The following ESRRG variants were observed in gnomAD, a reference collection of about 807,000 sequenced individuals.
ESRRG encodes the protein estrogen related receptor gamma, also known as estrogen-related receptor gamma.
In ESRRG, 13 loss-of-function variants were observed where a neutral mutation model predicts 44.0. The ratio of observed to expected loss-of-function variants is 0.30; its 90% CI spans 0.19 to 0.47. The LOEUF (loss-of-function observed/expected upper bound fraction) is 0.47, where lower values mean the gene tolerates loss of function less well. Among genes scored for constraint, ESRRG ranks in the 20% least tolerant of loss-of-function variants. ESRRG has a pLI of 1.00. For synonymous variants in ESRRG, 215 were observed against 214.6 expected (o/e 1.00, Z -0.02); for missense variants, 395 against 580.6 (o/e 0.68, Z 3.29).
chr1:217,106,402 A>G (rs1199805515), intron 1 of ESRRG, among the ~76,000 whole-genome samples: 4 of 150,160 alleles, frequency 2.7e-5, no homozygotes, highest in African/African-American at 5.0e-5. Context: ...GCACACACAC[A>G]CACACACACA....
At position 216,616,955 on chromosome 1, in the gene ESRRG, T is replaced by A. The variant is rs910864739; in HGVS notation, c.589+34018A>T. 5.3e-5 allele frequency among the ~76,000 whole-genome samples: 8 copies of A among 152,240 alleles called. No individual in the cohort carries two copies. The South Asian group carries it at 1.5e-3, about 28-fold the overall frequency. On this transcript the variant is annotated intron_variant, in intron 3 of 6. Transcript: ENST00000408911. Reference sequence around the variant, plus strand: ...ATAGGAATCTCCTGTCACCTCAGGGTTTTTTCTTCTTTTAATGGAATAGAA... The same window carrying A: ...ATAGGAATCTCCTGTCACCTCAGGGATTTTTCTTCTTTTAATGGAATAGAA...
chr1:217,010,597 C>T lies in ESRRG; in HGVS notation c.-105-70924G>A, dbSNP rs74553704. Among the ~76,000 whole-genome samples, 770 of 152,286 alleles carry T rather than the reference C, an allele frequency of 5.1e-3. 6 individuals are homozygous for T. Among genetic ancestry groups the T allele is most frequent in the African/African-American group, 0.017 (710 of 41,552 alleles). On this transcript the variant is annotated intron_variant, in intron 1 of 7. Coordinates refer to the ESRRG transcript ENST00000359162. ...CATATATGCCATGCATCAAGCAATG[C>T]GCTTGACAGTGATCTTCATAAAGAA...
intron 1 of ESRRG, among the ~76,000 whole-genome samples, chr1:217,085,517 AGT>A (rs1172437622): frequency 2.1e-5 from 2 of 95,120 alleles, no homozygotes; most frequent in Admixed American, 3.4e-4. Flanking sequence ...TTTTAGACGA[AGT>A]CTCACTCTGT....
chr1:217,038,239 G>A (rs568758517), intron 1 of ESRRG, among the ~76,000 whole-genome samples: 17 of 152,308 alleles, frequency 1.1e-4, no homozygotes, highest in East Asian at 5.8e-4. Flanking sequence ...GAGGTTCTCC[G>A]TGAGGGCCCT....
intron 3 of ESRRG, among the ~76,000 whole-genome samples, chr1:216,602,912 G>GT (rs1207526863): frequency 6.6e-6 from 1 of 152,034 alleles, no homozygotes; most frequent in Non-Finnish European, 1.5e-5. Context: ...AGACAAAACA[G>GT]TTTTTCAGCT....
At chr1:216,539,147 G>A (rs1169590656) in intron 5 of ESRRG, among the ~76,000 whole-genome samples, 1 of 151,918 alleles carries the variant, frequency 6.6e-6, no homozygotes, top group Admixed American at 6.6e-5. Flanking sequence ...CAGATCTTTG[G>A]AGGGATTGCT....
chr1:217,110,917 T>C lies in ESRRG; in HGVS notation c.-230+26750A>G, dbSNP rs79313227. ...CTGTGTCTTTTCGGTTTCCAAGCCATTGCATGTATCTGACCTTGAATTTTA... is the reference window on the plus strand; with the variant it reads ...CTGTGTCTTTTCGGTTTCCAAGCCACTGCATGTATCTGACCTTGAATTTTA... On this transcript the variant is annotated intron_variant, in intron 1 of 8. Coordinates refer to the ESRRG transcript ENST00000366940. 3.6e-3 allele frequency among the ~76,000 whole-genome samples: 553 copies of C among 152,316 alleles called. 7 individuals are homozygous for C. The highest frequency in any genetic ancestry group is 0.013 in the African/African-American group (531 of 41,586).
chr1:217,083,098 A>C (rs1238270862), intron 1 of ESRRG, among the ~76,000 whole-genome samples: 1 of 152,236 alleles, frequency 6.6e-6, no homozygotes, highest in African/African-American at 2.4e-5. Context: ...ACTGTTCTTT[A>C]CATTTTGTTC....
intron 2 of ESRRG, among the ~76,000 whole-genome samples, chr1:216,887,842 T>C (rs1242938101): frequency 6.6e-6 from 1 of 152,180 alleles, no homozygotes; most frequent in African/African-American, 2.4e-5. Flanking sequence ...TTTAAAGCCA[T>C]AAGAAGAAGC....
At chr1:216,835,278 A>T (rs2095546829) in intron 2 of ESRRG, among the ~76,000 whole-genome samples, 1 of 152,216 alleles carries the variant, frequency 6.6e-6, no homozygotes, top group Non-Finnish European at 1.5e-5. Context: ...TAGCAGATTC[A>T]GAGACACTCC....
intron 1 of ESRRG, among the ~76,000 whole-genome samples, chr1:217,026,911 A>AGAGAGAGAGG (rs1476127249): frequency 3.6e-5 from 4 of 111,008 alleles, no homozygotes; most frequent in Non-Finnish European, 7.8e-5. Context: ...ACACACACAC[A>AGAGAGAGAGG]CAGAGAGAGA....
At chr1:216,749,502 G>A (rs1331141986) in intron 2 of ESRRG, among the ~76,000 whole-genome samples, 3 of 152,120 alleles carry the variant, frequency 2.0e-5, no homozygotes, top group East Asian at 1.9e-4. Context: ...TGCAGGGAGC[G>A]CCCTGCTAGA....
chr1:216,621,147 T>C (rs1320223230), intron 3 of ESRRG, among the ~76,000 whole-genome samples: 2 of 152,142 alleles, frequency 1.3e-5, no homozygotes, highest in Non-Finnish European at 2.9e-5. Context: ...TGTATAAAAT[T>C]TTGCTTACTT....
intron 3 of ESRRG, among the ~76,000 whole-genome samples, chr1:216,637,591 A>C (rs762826946): frequency 2.6e-5 from 4 of 152,238 alleles, no homozygotes; most frequent in Non-Finnish European, 4.4e-5. Context: ...TCAGTACAGC[A>C]TATGAGCTTC....
intron 1 of ESRRG, among the ~76,000 whole-genome samples, chr1:216,998,707 A>C (rs1192133131): frequency 2.0e-5 from 3 of 152,274 alleles, no homozygotes; most frequent in Admixed American, 1.3e-4. Context: ...AATTAGAAAT[A>C]TTCCTTCACA....
At chr1:216,567,160 T>C (rs905152701) in intron 4 of ESRRG, among the ~76,000 whole-genome samples, 15 of 152,188 alleles carry the variant, frequency 9.9e-5, no homozygotes, top group African/African-American at 3.6e-4. Context: ...GAAAACCGTT[T>C]TCACCAAAGC....
chr1:217,023,657 C>T (rs1455423919), intron 1 of ESRRG, among the ~76,000 whole-genome samples: 1 of 152,180 alleles, frequency 6.6e-6, no homozygotes, highest in Non-Finnish European at 1.5e-5. Context: ...CCTTGAGATG[C>T]TTTCCTGGAA....
intron 5 of ESRRG, among the ~76,000 whole-genome samples, chr1:216,542,072 C>CAGAGAGAGAGAGAGAGAGAG (rs3040899): frequency 2.1e-5 from 3 of 139,844 alleles, no homozygotes; most frequent in Admixed American, 7.1e-5. Context: ...GTGTCTATGA[C>CAGAGAGAGAGAGAGAGAGAG]AGAGAGAGAG....
chr1:216,910,704 G>A (rs1469301832), intron 2 of ESRRG, among the ~76,000 whole-genome samples: 1 of 152,186 alleles, frequency 6.6e-6, no homozygotes, highest in African/African-American at 2.4e-5. Context: ...GAGGGGCATG[G>A]CATTATACAT....
Sources: gnomAD v4.1 joint callset for allele counts (sites outside exome capture counted in the v4.1 genomes callset) on GRCh38, gnomAD v4.1.1 for gene constraint, MANE v1.5 for transcripts, NCBI Gene and HGNC (gene_info 2026-07-23, HGNC 2026-07-21) for gene names.